LUC7L: variants seen among roughly 807,000 people sequenced by gnomAD.
The protein encoded by LUC7L is putative RNA-binding protein Luc7-like 1.
In LUC7L, 29 loss-of-function variants were observed where a neutral mutation model predicts 51.1. That is an observed-to-expected ratio of 0.57 (90% confidence interval 0.42 to 0.77). The LOEUF is 0.77. LUC7L is among the 30% of genes least tolerant of loss of function. The pLI, the probability that LUC7L is intolerant of heterozygous loss-of-function variation, is 0.00. For missense variants in LUC7L, 403 were observed against 511.9 expected, an observed-to-expected ratio of 0.79 and a Z score of 2.05; for synonymous variants, 181 against 180.7, an observed-to-expected ratio of 1.00 and a Z score of -0.01.
intron 2 of LUC7L, among the ~76,000 whole-genome samples, chr16:226,705 G>C (rs2050141866): frequency 6.6e-6 from 1 of 152,122 alleles, no homozygotes; most frequent in African/African-American, 2.4e-5. Context: ...AAGAACTTCA[G>C]GCTGACCTAA....
chr16:208,105 C>G lies in LUC7L; in HGVS notation c.339G>C (p.Glu113Asp). ...LAKKRLAETQ[E>D]EISAEVSAKA... is the part of the protein sequence containing the mutation. Reference sequence around the variant, plus strand: ...TTGCAGAAACTTCCGCACTGATTTCCTCCTGTGTTTCTGCCAGCCGCTTCT... The same window carrying G: ...TTGCAGAAACTTCCGCACTGATTTCGTCCTGTGTTTCTGCCAGCCGCTTCT... The change falls in exon 4 of 10, where the codon GAG becomes GAC. Residue 113 changes from glutamate (E) to aspartate (D), a missense_variant. By Grantham distance (45) the Glu-to-Asp change is conservative. Transcript: ENST00000293872. 1 of 1,613,588 alleles carries G rather than the reference C, an allele frequency of 6.2e-7. No homozygotes were observed. The highest frequency in any genetic ancestry group is 8.5e-7 in the Non-Finnish European group (1 of 1,179,792).
intron 3 of LUC7L, among the ~76,000 whole-genome samples, chr16:210,995 G>T (rs551927469): frequency 1.3e-5 from 2 of 150,090 alleles, no homozygotes; most frequent in African/African-American, 4.9e-5. Flanking sequence ...AGCTTGCAGT[G>T]AGCAGAGACT....
intron 2 of LUC7L, among the ~76,000 whole-genome samples, chr16:226,509 G>T (rs1038584906): frequency 3.9e-5 from 6 of 152,044 alleles, no homozygotes; most frequent in Admixed American, 6.6e-5. Flanking sequence ...AAAATTGTAG[G>T]GTTCTATATT....
chr16:194,407 T>C (rs1241768771), intron 6 of LUC7L, among the ~76,000 whole-genome samples: 1 of 152,208 alleles, frequency 6.6e-6, no homozygotes, highest in Non-Finnish European at 1.5e-5. Flanking sequence ...CAGCCTATCA[T>C]TAGATTTTAA....
chr16:206,743 T>C (rs2049493586), intron 4 of LUC7L, among the ~76,000 whole-genome samples: 1 of 152,030 alleles, frequency 6.6e-6, no homozygotes, highest in Non-Finnish European at 1.5e-5. Flanking sequence ...TCCAGTTTTA[T>C]GTGGAGATAT....
At chr16:229,244 C>A in intron 1 of LUC7L, 35 bp downstream of exon 1, 1 of 1,527,842 alleles carries the variant, frequency 6.5e-7, no homozygotes, top group South Asian at 1.2e-5. Flanking sequence ...TCACTCCCAC[C>A]CCAGACCCTC....
rs542624151 is a variant in LUC7L at position 226,882 on chromosome 16, T to C, written c.156+360A>G. 1.4e-4 allele frequency among the ~76,000 whole-genome samples: 21 copies of C among 152,312 alleles called. 1 individual carries two copies. In the South Asian group the frequency reaches 4.1e-3, roughly 30 times the overall value. On this transcript the variant is annotated intron_variant, in intron 2 of 9. Coordinates refer to ENST00000293872, the MANE Select transcript of LUC7L (RefSeq NM_201412.3). Reference sequence around the variant, plus strand: ...CTACCAAATGAATAGAATCTATCATTTTAAGGGCATCAGGGATTTCTGCCT... The same window carrying C: ...CTACCAAATGAATAGAATCTATCATCTTAAGGGCATCAGGGATTTCTGCCT...
At chr16:212,068 T>C (rs2049657779) in intron 3 of LUC7L, among the ~76,000 whole-genome samples, 1 of 151,962 alleles carries the variant, frequency 6.6e-6, no homozygotes, top group African/African-American at 2.4e-5. Context: ...CTGAGGTGGG[T>C]GGATCACCTG....
intron 4 of LUC7L, among the ~76,000 whole-genome samples, chr16:207,611 G>A (rs916026083): frequency 6.6e-6 from 1 of 152,218 alleles, no homozygotes; most frequent in Non-Finnish European, 1.5e-5. Flanking sequence ...GCTCCTGAGG[G>A]ATGAGAATTC....
At chr16:196,092 G>T (rs1056054193) in intron 6 of LUC7L, among the ~76,000 whole-genome samples, 2 of 151,366 alleles carry the variant, frequency 1.3e-5, no homozygotes, top group Non-Finnish European at 1.5e-5. Context: ...GGAAATAAAA[G>T]ATTGCAGATA....
intron 3 of LUC7L, among the ~76,000 whole-genome samples, chr16:210,846 T>C (rs941112066): frequency 6.9e-6 from 1 of 144,836 alleles, no homozygotes; most frequent in Non-Finnish European, 1.5e-5. Context: ...GGTCAGGAGA[T>C]CGAGACCACC....
intron 6 of LUC7L, among the ~76,000 whole-genome samples, chr16:197,470 C>G (rs1239313153): frequency 6.6e-6 from 1 of 152,148 alleles, no homozygotes; most frequent in Non-Finnish European, 1.5e-5. Context: ...CTCGGCCTCC[C>G]GAAGTTTGGG....
At chr16:227,203 T>G in intron 2 of LUC7L, 39 bp downstream of exon 2, 4 of 1,537,280 alleles carry the variant, frequency 2.6e-6, no homozygotes, top group Non-Finnish European at 3.6e-6. Context: ...ACAGCACTCA[T>G]GTCAGAGTGT....
chr16:212,826 A>G (rs947278264), intron 3 of LUC7L, among the ~76,000 whole-genome samples: 2 of 151,456 alleles, frequency 1.3e-5, no homozygotes, highest in African/African-American at 4.9e-5. Flanking sequence ...CACCCAGGCT[A>G]GAATACAGTG....
intron 6 of LUC7L, among the ~76,000 whole-genome samples, chr16:195,564 C>T (rs1304116899): frequency 1.3e-5 from 2 of 152,300 alleles, no homozygotes; most frequent in East Asian, 1.9e-4. Context: ...GCTGGACCTA[C>T]AGGCACACAC....
intron 8 of LUC7L, 143 bp from the exon 9 acceptor site, chr16:190,278 G>C: frequency 1.2e-6 from 1 of 822,526 alleles, no homozygotes; most frequent in Non-Finnish European, 1.9e-6. Flanking sequence ...ATTTCCATCA[G>C]TTAATCTCCA....
At chr16:223,313 C>T (rs532284560) in intron 2 of LUC7L, among the ~76,000 whole-genome samples, 65 of 152,150 alleles carry the variant, frequency 4.3e-4, no homozygotes, top group African/African-American at 1.2e-3. Context: ...CGCACCACTG[C>T]ACTCCAGCCT....
In LUC7L at chr16:192,940, G is replaced by T; in HGVS notation, c.763C>A (p.Arg255Ser). 1 of 1,612,776 alleles carries T rather than the reference G, an allele frequency of 6.2e-7. No individual in the cohort carries two copies. Reference protein sequence around the residue: ...RRREEREREERLSRRSGSRTR... With the variant: ...RRREEREREESLSRRSGSRTR... Reference sequence around the variant, plus strand: ...CCTCAGGCTCACCTCCTGCTCAGACGCTCCTCCCGTTCCCTCTCCTCTCTC... The same window carrying T: ...CCTCAGGCTCACCTCCTGCTCAGACTCTCCTCCCGTTCCCTCTCCTCTCTC... The change falls in exon 7 of 10, where the codon CGT (arginine) becomes AGT (serine). Residue 255 changes from arginine (R) to serine (S), a missense_variant. Coordinates refer to ENST00000293872, the MANE Select transcript of LUC7L (RefSeq NM_201412.3).
rs946627313 is a variant in LUC7L at position 228,756 on chromosome 16, G to C, written c.61+523C>G. Reference sequence around the variant, plus strand: ...GGCTCTCCTGTGTGCTGGGGGGAAGGGGGCAGCTGGAAAAGTACTTGGCAG... The same window carrying C: ...GGCTCTCCTGTGTGCTGGGGGGAAGCGGGCAGCTGGAAAAGTACTTGGCAG... On this transcript the variant is annotated intron_variant, in intron 1 of 9. Coordinates refer to ENST00000293872, the MANE Select transcript of LUC7L (RefSeq NM_201412.3). 1.3e-5 allele frequency: 16 copies of C among 1,270,554 alleles called. No individual in the cohort carries two copies. The African/African-American group carries it at 2.0e-4, about 16-fold the overall frequency. The allele number at this position is 1,270,554 out of a possible 1,614,324, so 78.7% of individuals were successfully genotyped here.
Sources: gnomAD v4.1 joint callset for allele counts (sites outside exome capture counted in the v4.1 genomes callset) on GRCh38, gnomAD v4.1.1 for gene constraint, MANE v1.5 for transcripts, NCBI Gene and HGNC (gene_info 2026-07-23, HGNC 2026-07-21) for gene names.